The following PRKG1 variants were observed in gnomAD, a reference collection of about 807,000 sequenced individuals.
PRKG1 encodes cGMP-dependent protein kinase 1.
Under a neutral mutation model 88.1 loss-of-function variants are expected in PRKG1, and 35 were observed. That is an observed-to-expected ratio of 0.40 (90% CI 0.30 to 0.53). The LOEUF (loss-of-function observed/expected upper bound fraction) is 0.53, where lower values mean the gene tolerates loss of function less well. Ranked by LOEUF, PRKG1 falls within the 20% of genes least tolerant of loss-of-function variation. PRKG1 has a pLI of 0.59. For synonymous variants in PRKG1, 303 were observed against 292.5 expected (o/e 1.04, Z -0.37); for missense variants, 540 against 839.8 (o/e 0.64, Z 4.41).
intron 3 of PRKG1, among the ~76,000 whole-genome samples, chr10:51,592,629 A>G (rs1838340833): frequency 6.6e-6 from 1 of 152,180 alleles, no homozygotes; most frequent in Admixed American, 6.5e-5. Context: ...ACATTCATAA[A>G]TAGATCCAGG....
At chr10:51,948,228 C>G (rs950636130) in intron 5 of PRKG1, among the ~76,000 whole-genome samples, 3 of 152,034 alleles carry the variant, frequency 2.0e-5, no homozygotes, top group Non-Finnish European at 4.4e-5. Context: ...ATTTTATTGC[C>G]ATACATAGAA....
At chr10:51,889,084 A>C (rs1337181856) in intron 4 of PRKG1, among the ~76,000 whole-genome samples, 6 of 146,352 alleles carry the variant, frequency 4.1e-5, no homozygotes, top group Admixed American at 3.4e-4. Flanking sequence ...TAATACTTTA[A>C]GTTCTAGGGT....
chr10:51,034,676 A>T (rs1344098757), intron 1 of PRKG1, among the ~76,000 whole-genome samples: 9 of 117,778 alleles, frequency 7.6e-5, no homozygotes, highest in South Asian at 5.4e-4. Context: ...ATTTATATAT[A>T]TATATATATA....
intron 2 of PRKG1, among the ~76,000 whole-genome samples, chr10:51,181,804 G>C (rs529530218): frequency 2.3e-4 from 35 of 152,300 alleles, no homozygotes; most frequent in Non-Finnish European, 4.0e-4. Flanking sequence ...AGGAGAATTC[G>C]ACACAGGTCT....
chr10:51,657,398 G>C (rs112045429), intron 3 of PRKG1, among the ~76,000 whole-genome samples: 56 of 152,056 alleles, frequency 3.7e-4, no homozygotes, highest in African/African-American at 1.3e-3. Flanking sequence ...CAGAAATTTG[G>C]GGTCATGGAA....
At position 51,751,860 on chromosome 10, in the gene PRKG1, C is replaced by T. The variant is rs1837734340; in HGVS notation, c.593-52725C>T. Among the ~76,000 whole-genome samples the T allele has an allele frequency of 3.3e-5, 5 of 151,882 alleles. 1 individual carries two copies. Among genetic ancestry groups the T allele is most frequent in the Admixed American group, 3.3e-4 (5 of 15,238 alleles). ...ATATTCTTAGTACCTAATCTAGTGC[C>T]TGGCCTACATAAGTATTTGTTGCGT... is the stretch of plus-strand genomic sequence containing the variant. On this transcript the variant is annotated intron_variant, in intron 3 of 17. Transcript: ENST00000373980.
intron 7 of PRKG1, among the ~76,000 whole-genome samples, chr10:52,074,090 T>C (rs1258064586): frequency 6.6e-6 from 1 of 152,206 alleles, no homozygotes; most frequent in Non-Finnish European, 1.5e-5. Context: ...GTGTGTACCT[T>C]AGACTCAAGT....
intron 1 of PRKG1, among the ~76,000 whole-genome samples, chr10:51,080,408 T>C (rs559837712): frequency 2.5e-4 from 38 of 151,434 alleles, no homozygotes; most frequent in African/African-American, 9.1e-4. Flanking sequence ...CTATTGTTGC[T>C]GTTTGCAGGT....
intron 4 of PRKG1, among the ~76,000 whole-genome samples, chr10:51,880,198 T>C (rs553489394): frequency 2.0e-5 from 3 of 151,982 alleles, no homozygotes; most frequent in Non-Finnish European, 4.4e-5. Flanking sequence ...TTAGTCATTA[T>C]AATTATCTTA....
At chr10:51,050,000 G>C (rs2132767747) in intron 1 of PRKG1, among the ~76,000 whole-genome samples, 1 of 152,072 alleles carries the variant, frequency 6.6e-6, no homozygotes, top group African/African-American at 2.4e-5. Context: ...TTCCTTGCTT[G>C]TCATTAAATT....
chr10:51,606,693 G>A (rs1838775981), intron 3 of PRKG1, among the ~76,000 whole-genome samples: 1 of 152,128 alleles, frequency 6.6e-6, no homozygotes. Flanking sequence ...CTAGCAACAA[G>A]CTAGAGGGAG....
chr10:52,056,582 T>C (rs1456570513), intron 6 of PRKG1, among the ~76,000 whole-genome samples: 2 of 152,154 alleles, frequency 1.3e-5, no homozygotes, highest in Admixed American at 6.6e-5. Context: ...TGGCAATATT[T>C]CAGAGCACTC....
intron 2 of PRKG1, among the ~76,000 whole-genome samples, chr10:51,271,059 A>G (rs1839966513): frequency 6.6e-6 from 1 of 152,206 alleles, no homozygotes; most frequent in South Asian, 2.1e-4. Flanking sequence ...CAACTCATTT[A>G]GGATCATCCA....
chr10:52,011,106 G>C (rs1844868486), intron 5 of PRKG1, among the ~76,000 whole-genome samples: 1 of 152,206 alleles, frequency 6.6e-6, no homozygotes. Context: ...AGAATGTGGT[G>C]TGATTAGCTT....
At chr10:51,426,132 C>G (rs563818647) in intron 2 of PRKG1, among the ~76,000 whole-genome samples, 48 of 152,084 alleles carry the variant, frequency 3.2e-4, no homozygotes, top group African/African-American at 1.2e-3. Context: ...CAAAAATTAG[C>G]CAGATGTGGT....
At chr10:52,234,078 T>C (rs954281015) in intron 9 of PRKG1, among the ~76,000 whole-genome samples, 121 of 151,916 alleles carry the variant, frequency 8.0e-4, no homozygotes, top group African/African-American at 1.5e-3. Context: ...CAGCAGGGTA[T>C]TCCAACAGAC....
chr10:51,049,647 T>C (rs1385804700), intron 1 of PRKG1, among the ~76,000 whole-genome samples: 1 of 152,152 alleles, frequency 6.6e-6, no homozygotes, highest in African/African-American at 2.4e-5. Context: ...AAATGACTGT[T>C]TTTGCTGCTG....
chr10:50,997,482 C>G (rs1353696553), intron 1 of PRKG1, among the ~76,000 whole-genome samples: 1 of 152,110 alleles, frequency 6.6e-6, no homozygotes, highest in African/African-American at 2.4e-5. Flanking sequence ...TGACTACGGT[C>G]CTGTTTCCTA....
At chr10:51,173,395 A>T (rs1405787800) in intron 2 of PRKG1, among the ~76,000 whole-genome samples, 3 of 149,062 alleles carry the variant, frequency 2.0e-5, no homozygotes, top group Admixed American at 1.3e-4. Flanking sequence ...TTCAATTAAG[A>T]TCATTAGAGT....
Sources: allele counts gnomAD v4.1 joint callset (sites outside exome capture counted in the v4.1 genomes callset), GRCh38; gene constraint gnomAD v4.1.1; transcripts MANE v1.5; gene names NCBI Gene and HGNC (gene_info 2026-07-23, HGNC 2026-07-21).